KHDRBS2: variants seen among roughly 807,000 people sequenced by gnomAD.
The protein encoded by KHDRBS2 is KH domain-containing, RNA-binding, signal transduction-associated protein 2.
Under a neutral mutation model 44.3 loss-of-function variants are expected in KHDRBS2, and 26 were observed. That is an observed-to-expected ratio of 0.59 (90% CI 0.43 to 0.81). The LOEUF is 0.81. Ranked by LOEUF, KHDRBS2 falls within the 40% of genes least tolerant of loss-of-function variation. The probability of loss-of-function intolerance (pLI) is 0.00; values close to 1 mark genes in which losing one functional copy is unlikely to be tolerated. For synonymous variants in KHDRBS2, 194 were observed against 151.1 expected (o/e 1.28, Z -2.08); for missense variants, 476 against 433.1 (o/e 1.10, Z -0.88).
rs527538110 is a variant in KHDRBS2, at chr6:62,185,593, G to T, written c.92-8281C>A. 1.2e-4 allele frequency among the ~76,000 whole-genome samples: 18 copies of T among 152,036 alleles called. No individual in the cohort carries two copies. The South Asian group carries it at 3.7e-3, about 32-fold the overall frequency. ...AGTATCTTCACAAGTAATTATTTTT[G>T]ATTATTGAAGTAGAAATAGAGACAT... is the stretch of plus-strand genomic sequence containing the variant. On this transcript the variant is annotated intron_variant, in intron 1 of 8. Coordinates refer to ENST00000281156, the MANE Select transcript of KHDRBS2 (RefSeq NM_152688.4).
chr6:62,209,670 G>A (rs1467021029), intron 1 of KHDRBS2, among the ~76,000 whole-genome samples: 1 of 152,124 alleles, frequency 6.6e-6, no homozygotes, highest in Non-Finnish European at 1.5e-5. Context: ...CAGTGGACTG[G>A]GAGAGGCAGA....
At chr6:61,976,034 T>C (rs546686117) in intron 4 of KHDRBS2, among the ~76,000 whole-genome samples, 1 of 152,270 alleles carries the variant, frequency 6.6e-6, no homozygotes, top group South Asian at 2.1e-4. Context: ...AAGTTAGACA[T>C]ACAAGATGAA....
At chr6:61,841,254 G>A (rs1283003937) in intron 6 of KHDRBS2, among the ~76,000 whole-genome samples, 2 of 151,990 alleles carry the variant, frequency 1.3e-5, no homozygotes, top group Non-Finnish European at 2.9e-5. Context: ...GCATTGTTTT[G>A]CATGGTCCTA....
intron 4 of KHDRBS2, among the ~76,000 whole-genome samples, chr6:61,904,445 C>T (rs1280755737): frequency 6.6e-6 from 1 of 152,152 alleles, no homozygotes; most frequent in African/African-American, 2.4e-5. Context: ...AGCTAGAGGG[C>T]TATACTTTGA....
At chr6:62,182,644 A>C (rs193235162) in intron 1 of KHDRBS2, among the ~76,000 whole-genome samples, 9 of 151,976 alleles carry the variant, frequency 5.9e-5, no homozygotes, top group Admixed American at 1.3e-4. Context: ...AAAGTGGATG[A>C]ATTTTTTGAA....
chr6:61,639,406 T>C, the KHDRBS2 span, among the ~76,000 whole-genome samples: 2 of 152,050 alleles, frequency 1.3e-5, no homozygotes, highest in Admixed American at 1.3e-4. Context: ...TCTTTTTCCC[T>C]CTTAAAATCT....
chr6:61,880,799 T>C (rs1800099397), intron 6 of KHDRBS2, among the ~76,000 whole-genome samples: 1 of 151,910 alleles, frequency 6.6e-6, no homozygotes. Context: ...TTGGGTGAAG[T>C]CTTAGAAAGA....
At chr6:62,059,612 C>T in intron 2 of KHDRBS2, among the ~76,000 whole-genome samples, 1 of 151,502 alleles carries the variant, frequency 6.6e-6, no homozygotes, top group East Asian at 2.0e-4. Flanking sequence ...AATACAGGAA[C>T]AAAAACGTTA....
At position 62,065,940 on chromosome 6, in the gene KHDRBS2, G is replaced by GT. The variant is rs573410416; in HGVS notation, c.220-17947dup. Among the ~76,000 whole-genome samples, 600 of 149,648 alleles carry GT rather than the reference G, an allele frequency of 4.0e-3. 3 individuals are homozygous for GT. The highest frequency in any genetic ancestry group is 0.014 in the African/African-American group (568 of 41,270). Reference sequence around the variant, plus strand: ...TAATTATTTACTATGCTTCTGCATTGTTTTTTTGTGCTAATCATATTTTTC... The same window carrying GT: ...TAATTATTTACTATGCTTCTGCATTGTTTTTTTTGTGCTAATCATATTTTTC... On this transcript the variant is annotated intron_variant, in intron 2 of 8. Coordinates refer to ENST00000281156, the MANE Select transcript of KHDRBS2 (RefSeq NM_152688.4).
chr6:61,795,372 T>A (rs907585113), intron 6 of KHDRBS2, among the ~76,000 whole-genome samples: 1 of 151,948 alleles, frequency 6.6e-6, no homozygotes, highest in Non-Finnish European at 1.5e-5. Context: ...TGTCAACTTA[T>A]ACACAAGATT....
At chr6:61,718,448 T>C (rs912014905) in intron 7 of KHDRBS2, among the ~76,000 whole-genome samples, 15 of 152,132 alleles carry the variant, frequency 9.9e-5, no homozygotes, top group African/African-American at 3.6e-4. Flanking sequence ...TGAAGTGTGA[T>C]AAAAATTTTA....
intron 2 of KHDRBS2, among the ~76,000 whole-genome samples, chr6:62,156,716 GAGTGC>G (rs1256172122): frequency 6.6e-5 from 10 of 152,034 alleles, no homozygotes; most frequent in Admixed American, 1.3e-4. Context: ...GTGCAGGCTG[GAGTGC>G]AGTGCAGTGG....
chr6:62,236,273 A>C (rs968846615), intron 1 of KHDRBS2, among the ~76,000 whole-genome samples: 1 of 152,008 alleles, frequency 6.6e-6, no homozygotes, highest in Admixed American at 6.6e-5. Context: ...AGTGGAGAAA[A>C]ACTCTTCAGA....
intron 1 of KHDRBS2, among the ~76,000 whole-genome samples, chr6:62,255,842 C>T (rs2150178125): frequency 6.6e-6 from 1 of 151,790 alleles, no homozygotes; most frequent in South Asian, 2.1e-4. Context: ...CTTACAAACT[C>T]AAAACAAGGC....
intron 6 of KHDRBS2, among the ~76,000 whole-genome samples, chr6:61,758,808 G>T (rs1424021986): frequency 6.6e-6 from 1 of 152,004 alleles, no homozygotes; most frequent in Non-Finnish European, 1.5e-5. Context: ...AATAGCAATT[G>T]TTATGTAAAT....
At chr6:61,736,358 C>T (rs1775359955) in intron 6 of KHDRBS2, among the ~76,000 whole-genome samples, 1 of 151,692 alleles carries the variant, frequency 6.6e-6, no homozygotes. Flanking sequence ...GGGTTAATAC[C>T]ATAATTGGAG....
At chr6:61,721,219 T>G (rs1772458122) in intron 7 of KHDRBS2, among the ~76,000 whole-genome samples, 1 of 152,176 alleles carries the variant, frequency 6.6e-6, no homozygotes, top group South Asian at 2.1e-4. Flanking sequence ...GTGTGATGCC[T>G]CCAGCTTTGT....
At chr6:61,943,924 A>C (rs774963006) in intron 4 of KHDRBS2, among the ~76,000 whole-genome samples, 1 of 152,228 alleles carries the variant, frequency 6.6e-6, no homozygotes, top group East Asian at 1.9e-4. Context: ...ATCAGTAGAC[A>C]TCAGGGAAAT....
chr6:62,103,217 G>A (rs1802306173), intron 2 of KHDRBS2, among the ~76,000 whole-genome samples: 1 of 152,064 alleles, frequency 6.6e-6, no homozygotes, highest in African/African-American at 2.4e-5. Flanking sequence ...TGAAGATGGG[G>A]TTTCACCAAG....
Sources: gnomAD v4.1 joint callset for allele counts (sites outside exome capture counted in the v4.1 genomes callset) on GRCh38, gnomAD v4.1.1 for gene constraint, MANE v1.5 for transcripts, NCBI Gene and HGNC (gene_info 2026-07-23, HGNC 2026-07-21) for gene names.